ACKR2: variants seen among roughly 807,000 people sequenced by gnomAD.
The protein encoded by ACKR2 is C-C chemokine receptor D6.
For synonymous variants in ACKR2, 207 were observed against 192.2 expected, an observed-to-expected ratio of 1.08 and a Z score of -0.64; for missense variants, 457 against 477.3, an observed-to-expected ratio of 0.96 and a Z score of 0.40.
At position 42,865,908 on chromosome 3, in the gene ACKR2, T is replaced by TTCCTTCCC; in HGVS notation, c.*254_*261dup. 1 of 448,956 alleles carries TTCCTTCCC rather than the reference T, an allele frequency of 2.2e-6. No individual in the cohort carries two copies. Among genetic ancestry groups the TTCCTTCCC allele is most frequent in the African/African-American group, 2.0e-5 (1 of 50,106 alleles). 27.8% of individuals were successfully genotyped at this position (448,956 alleles called of 1,614,324 possible). A position where few individuals can be genotyped will look rare whatever the true frequency, so the allele number is the denominator to read the frequency against. The stretch of plus-strand genomic sequence containing the variant: ...CTTCCTTCCTTGCTTCCTTCCTTCC[T>TTCCTTCCC]TCCTTCCCTCTCTCCCTCCCTCCCT... On this transcript the variant is annotated 3_prime_UTR_variant, in exon 3 of 3. Transcript: ENST00000422265.
At chr3:42,818,808 C>T (rs1292742034) in intron 1 of ACKR2, among the ~76,000 whole-genome samples, 5 of 152,144 alleles carry the variant, frequency 3.3e-5, no homozygotes, top group East Asian at 3.9e-4. Context: ...GTGATCTGCC[C>T]GGCTCGGCCT....
chr3:42,821,769 T>C (rs1246084553), intron 2 of ACKR2, among the ~76,000 whole-genome samples: 3 of 152,038 alleles, frequency 2.0e-5, no homozygotes, highest in Admixed American at 2.0e-4. Context: ...CTATCTCGGC[T>C]CACTGCAAGC....
chr3:42,846,438 G>A (rs145479973), intron 2 of ACKR2, among the ~76,000 whole-genome samples: 1,599 of 152,300 alleles, frequency 0.01, 29 homozygotes, highest in African/African-American at 0.036. Context: ...CACTTCCAGG[G>A]TCACCTGCAA....
At chr3:42,830,404 C>G (rs1700920295) in intron 2 of ACKR2, among the ~76,000 whole-genome samples, 1 of 152,194 alleles carries the variant, frequency 6.6e-6, no homozygotes, top group Non-Finnish European at 1.5e-5. Flanking sequence ...GCATGAGCCA[C>G]CACGCCCAGC....
chr3:42,822,592 C>G (rs566056491), intron 2 of ACKR2, among the ~76,000 whole-genome samples: 1 of 152,222 alleles, frequency 6.6e-6, no homozygotes, highest in African/African-American at 2.4e-5. Flanking sequence ...GTGGCTCACA[C>G]CTGTAATCCC....
chr3:42,849,688 C>A (rs1214834276), intron 2 of ACKR2, among the ~76,000 whole-genome samples: 1 of 152,186 alleles, frequency 6.6e-6, no homozygotes, highest in East Asian at 1.9e-4. Context: ...GGATTGGTTA[C>A]AGCTTGGCGT....
At chr3:42,811,751 G>A (rs1700697576) in intron 1 of ACKR2, among the ~76,000 whole-genome samples, 1 of 152,196 alleles carries the variant, frequency 6.6e-6, no homozygotes, top group Non-Finnish European at 1.5e-5. Flanking sequence ...CTATTCTGAG[G>A]TAGGAGAAAA....
intron 2 of ACKR2, among the ~76,000 whole-genome samples, chr3:42,838,388 G>A (rs62247897): frequency 0.051 from 7,785 of 152,188 alleles, 235 homozygotes; most frequent in South Asian, 0.12. Context: ...GGCAAAATAT[G>A]TGAAAAAACA....
chr3:42,816,189 C>CGTGT (rs56332875), intron 1 of ACKR2, among the ~76,000 whole-genome samples: 7,815 of 145,868 alleles, frequency 0.054, 521 homozygotes, highest in African/African-American at 0.16. Flanking sequence ...TTGATAGTTT[C>CGTGT]GTGTGTGTGT....
At chr3:42,853,166 G>T (rs1701181395) in intron 2 of ACKR2, among the ~76,000 whole-genome samples, 1 of 152,188 alleles carries the variant, frequency 6.6e-6, no homozygotes, top group South Asian at 2.1e-4. Flanking sequence ...CCAGAAGGCA[G>T]CTGTTCATCC....
chr3:42,858,138 A>G (rs2088342544), intron 2 of ACKR2, among the ~76,000 whole-genome samples: 1 of 152,188 alleles, frequency 6.6e-6, no homozygotes, highest in African/African-American at 2.4e-5. Flanking sequence ...CTCTGAAGAG[A>G]GCAGTGGATC....
intron 1 of ACKR2, among the ~76,000 whole-genome samples, chr3:42,816,189 CGTGTGT>C (rs56332875): frequency 3.6e-4 from 53 of 145,950 alleles, no homozygotes; most frequent in East Asian, 2.6e-3. Flanking sequence ...TTGATAGTTT[CGTGTGT>C]GTGTGTGTGT....
At position 42,845,223 on chromosome 3, in the gene ACKR2, T is replaced by C. The variant is rs565510380; in HGVS notation, c.-37-19243T>C. Reference sequence around the variant, plus strand: ...CTTCTCAGCCTGGGGAATGCTTTTTTAGTTTGGTATAGAATAGAAAGAGAA... The same window carrying C: ...CTTCTCAGCCTGGGGAATGCTTTTTCAGTTTGGTATAGAATAGAAAGAGAA... On this transcript the variant is annotated intron_variant, in intron 2 of 2. Transcript: ENST00000422265. 7.2e-5 allele frequency among the ~76,000 whole-genome samples: 11 copies of C among 152,342 alleles called. No individual in the cohort carries two copies. The South Asian group carries it at 2.3e-3, about 32-fold the overall frequency.
intron 2 of ACKR2, among the ~76,000 whole-genome samples, chr3:42,839,488 T>G (rs904414345): frequency 3.0e-4 from 46 of 152,140 alleles, no homozygotes; most frequent in African/African-American, 1.1e-3. Context: ...ATGGAGCCTT[T>G]GAAGCAATGA....
chr3:42,812,680 C>CTTTTTTTTTTTTTTTTTT lies in ACKR2; in HGVS notation c.-119+3155_-119+3172dup, dbSNP rs71616070. 6.9e-5 allele frequency among the ~76,000 whole-genome samples: 5 copies of CTTTTTTTTTTTTTTTTTT among 72,758 alleles called. 1 individual carries two copies. Among genetic ancestry groups the CTTTTTTTTTTTTTTTTTT allele is most frequent in the Admixed American group, 2.5e-4 (1 of 4,064 alleles). 47.7% of individuals were successfully genotyped at this position (72,758 alleles called of 152,430 possible). ...TAAAAGTGGTTGGGCAATTTTCAGC[C>CTTTTTTTTTTTTTTTTTT]TTTTTTTTTTTTTTTTTTTTTTTTG... On this transcript the variant is annotated intron_variant, in intron 1 of 2. Transcript: ENST00000422265.
At chr3:42,809,716 G>A (rs1447990420) in intron 1 of ACKR2, among the ~76,000 whole-genome samples, 184 bp downstream of exon 1, 2 of 152,040 alleles carry the variant, frequency 1.3e-5, no homozygotes, top group Non-Finnish European at 2.9e-5. Flanking sequence ...ACAAAAATTA[G>A]CCAGGCGTGG....
rs1701167396 is a variant in ACKR2, at chr3:42,852,175, C to T, written c.-37-12291C>T. Among the ~76,000 whole-genome samples the T allele has an allele frequency of 6.6e-6, 1 of 152,174 alleles. No individual in the cohort carries two copies. On this transcript the variant is annotated intron_variant, in intron 2 of 2. Transcript: ENST00000422265. This position sits in a 1 kb window ranked among gnomAD's most constrained non-coding sequence, Gnocchi z 4.3. ...CACAGCCATTAAGAAGTGAGTTAAG[C>T]TATATTCTGTCTGTTCTACCCTGCC...
chr3:42,856,331 C>A, intron 2 of ACKR2: 1 of 699,782 alleles, frequency 1.4e-6, no homozygotes, highest in Non-Finnish European at 2.6e-6. Flanking sequence ...CAGAAGCTCA[C>A]AGAGTGGGAG....
At position 42,864,696 on chromosome 3, in the gene ACKR2, T is replaced by A; in HGVS notation, c.194T>A (p.Leu65His). The A allele has an allele frequency of 1.2e-6, 2 of 1,614,206 alleles. No individual in the cohort carries two copies. Among genetic ancestry groups the A allele is most frequent in the South Asian group, 2.2e-5 (2 of 91,076 alleles). ...TTTGTGTTGGGCCTCAGCGGGAACC[T>A]CCTTCTTCTCATGGTCTTGCTCCGT... Reference protein sequence around the residue: ...LIFVLGLSGNLLLLMVLLRYV... With the variant: ...LIFVLGLSGNHLLLMVLLRYV... The change falls in exon 3 of 3, where the codon CTC becomes CAC. Residue 65 changes from leucine to histidine, a missense_variant. Transcript: ENST00000422265.
Sources: gnomAD v4.1 joint callset for allele counts (sites outside exome capture counted in the v4.1 genomes callset) on GRCh38, gnomAD v4.1.1 for gene constraint, Gnocchi (gnomAD v3.1) non-coding constraint, MANE v1.5 for transcripts, NCBI Gene and HGNC (gene_info 2026-07-23, HGNC 2026-07-21) for gene names.